Variants in BCKDHB observed in about 807,000 individuals in gnomAD.
BCKDHB encodes the protein 2-oxoisovalerate dehydrogenase subunit beta, mitochondrial.
BCKDHB carries 41 observed loss-of-function variants against 48.5 expected under a neutral mutation model. The ratio of observed to expected loss-of-function variants is 0.85; its 90% CI spans 0.66 to 1.10. The LOEUF is 1.10. Among genes scored for constraint, BCKDHB ranks in the 50% least tolerant of loss-of-function variants. The pLI, the probability that BCKDHB is intolerant of heterozygous loss-of-function variation, is 0.00. For synonymous variants in BCKDHB, 201 were observed against 174.8 expected, an observed-to-expected ratio of 1.15 and a Z score of -1.18; for missense variants, 496 against 494.2, an observed-to-expected ratio of 1.00 and a Z score of -0.03.
intron 1 of BCKDHB, among the ~76,000 whole-genome samples, chr6:80,126,647 C>T (rs904173829): frequency 1.1e-4 from 17 of 152,114 alleles, no homozygotes; most frequent in Non-Finnish European, 2.2e-4. Context: ...GAGATTTAGG[C>T]TGAAGCCGTT....
Position 80,234,025 on chromosome 6 carries a change from C to T in BCKDHB, c.951+30813C>T, listed in dbSNP as rs144378019. On this transcript the variant is annotated intron_variant, in intron 8 of 9. Transcript: ENST00000320393. ...CCAGGCATTAGATTCTCATAAGGAGCGTGCACCCTAGATCCCTCGCATGCA... is the reference window on the plus strand; with the variant it reads ...CCAGGCATTAGATTCTCATAAGGAGTGTGCACCCTAGATCCCTCGCATGCA... Among the ~76,000 whole-genome samples the T allele has an allele frequency of 4.6e-5, 7 of 152,060 alleles. No homozygotes were observed. The East Asian group carries it at 1.4e-3, about 30-fold the overall frequency.
At chr6:80,365,310 G>T in the BCKDHB span, among the ~76,000 whole-genome samples, 1 of 152,106 alleles carries the variant, frequency 6.6e-6, no homozygotes, top group African/African-American at 2.4e-5. Flanking sequence ...AAATTTACCA[G>T]GGCAGAGTTT....
At chr6:80,126,840 A>G (rs1770366380) in intron 1 of BCKDHB, among the ~76,000 whole-genome samples, 1 of 152,180 alleles carries the variant, frequency 6.6e-6, no homozygotes, top group Admixed American at 6.6e-5. Flanking sequence ...AGGTGAAGAT[A>G]GAAGGACATG....
the BCKDHB span, among the ~76,000 whole-genome samples, chr6:80,447,464 T>C: frequency 8.6e-5 from 12 of 139,218 alleles, no homozygotes; most frequent in East Asian, 6.1e-4. Context: ...TATATATATA[T>C]ACATATATAC....
intron 9 of BCKDHB, among the ~76,000 whole-genome samples, chr6:80,323,917 C>T (rs907067729): frequency 2.6e-5 from 4 of 151,880 alleles, no homozygotes; most frequent in Non-Finnish European, 4.4e-5. Context: ...GGACTACAGG[C>T]GCCCGCCACT....
intron 8 of BCKDHB, among the ~76,000 whole-genome samples, chr6:80,211,158 T>C (rs1424334762): frequency 6.6e-6 from 1 of 152,146 alleles, no homozygotes; most frequent in Non-Finnish European, 1.5e-5. Flanking sequence ...TGAAGCACAA[T>C]CATTTACAAG....
rs141838243 is a variant in BCKDHB at position 80,273,267 on chromosome 6, A to T, written c.1038+46A>T. On this transcript the variant is annotated intron_variant, in intron 9 of 9. Transcript: ENST00000320393. ...GATTTCAATGCTTGTGCAATTCCAC[A>T]TGCCAATTCCAGAAGAAAATAAATT... is the stretch of plus-strand genomic sequence containing the variant. 2.1e-5 allele frequency: 31 copies of T among 1,454,630 alleles called. 1 individual carries two copies. In the African/African-American group the frequency reaches 2.9e-4, roughly 14 times the overall value. The allele number at this position is 1,454,630 out of a possible 1,614,324, so 90.1% of individuals were successfully genotyped here.
chr6:80,263,868 A>C (rs1166388242), intron 8 of BCKDHB, among the ~76,000 whole-genome samples: 1 of 152,038 alleles, frequency 6.6e-6, no homozygotes, highest in Non-Finnish European at 1.5e-5. Context: ...GTCAGTTTCT[A>C]CCCTTTAGAA....
chr6:80,294,938 G>T (rs1767144912), intron 9 of BCKDHB, among the ~76,000 whole-genome samples: 1 of 152,008 alleles, frequency 6.6e-6, no homozygotes. Flanking sequence ...TCTTTGTTCT[G>T]CTTTTTGCCT....
At chr6:80,283,942 A>G (rs1011175733) in intron 9 of BCKDHB, among the ~76,000 whole-genome samples, 2 of 152,142 alleles carry the variant, frequency 1.3e-5, no homozygotes, top group Non-Finnish European at 2.9e-5. Context: ...ATGAAGACAC[A>G]TATTCAATTT....
the BCKDHB span, among the ~76,000 whole-genome samples, chr6:80,378,532 C>T: frequency 1.4e-4 from 21 of 152,068 alleles, no homozygotes. Context: ...AAGTGTCCAC[C>T]AACCCTTGGT....
At chr6:80,133,989 G>A (rs938282265) in intron 3 of BCKDHB, among the ~76,000 whole-genome samples, 18 of 152,086 alleles carry the variant, frequency 1.2e-4, no homozygotes, top group African/African-American at 4.3e-4. Flanking sequence ...ATTCCTCATG[G>A]CATATAAAAA....
intron 1 of BCKDHB, among the ~76,000 whole-genome samples, chr6:80,111,170 G>T (rs879583564): frequency 6.6e-6 from 1 of 152,164 alleles, no homozygotes; most frequent in Admixed American, 6.5e-5. Flanking sequence ...AATGGTCGTG[G>T]ACTGGGAGGA....
intron 9 of BCKDHB, among the ~76,000 whole-genome samples, chr6:80,314,848 G>A (rs945912948): frequency 1.3e-5 from 2 of 152,214 alleles, no homozygotes; most frequent in Admixed American, 6.5e-5. Flanking sequence ...ATAGATCGGG[G>A]TCCTGCTTGA....
chr6:80,182,732 A>T (rs1351268901), intron 6 of BCKDHB, among the ~76,000 whole-genome samples: 3 of 152,180 alleles, frequency 2.0e-5, no homozygotes, highest in Non-Finnish European at 2.9e-5. Context: ...AAAATATTGT[A>T]TTATAAACAT....
chr6:80,243,259 A>G (rs760251172), intron 8 of BCKDHB, among the ~76,000 whole-genome samples: 30 of 152,188 alleles, frequency 2.0e-4, no homozygotes, highest in Non-Finnish European at 4.1e-4. Flanking sequence ...TTCATTCTTC[A>G]GCACCAGCAC....
chr6:80,396,975 G>A, the BCKDHB span, among the ~76,000 whole-genome samples: 1 of 152,122 alleles, frequency 6.6e-6, no homozygotes. Context: ...GGGGGCCCAA[G>A]TCTCACAGTT....
At chr6:80,305,547 A>G (rs1767832242) in intron 9 of BCKDHB, among the ~76,000 whole-genome samples, 1 of 152,170 alleles carries the variant, frequency 6.6e-6, no homozygotes, top group Admixed American at 6.5e-5. Flanking sequence ...AACAAAATCA[A>G]GCTCTCTTTT....
At chr6:80,129,386 T>G (rs189542336) in intron 3 of BCKDHB, among the ~76,000 whole-genome samples, 157 bp downstream of exon 3, 1 of 152,288 alleles carries the variant, frequency 6.6e-6, no homozygotes, top group East Asian at 1.9e-4. Context: ...TTGGCCTATA[T>G]TTTCTCAAAT....
Sources: allele counts gnomAD v4.1 joint callset (sites outside exome capture counted in the v4.1 genomes callset), GRCh38; gene constraint gnomAD v4.1.1; transcripts MANE v1.5; gene names NCBI Gene and HGNC (gene_info 2026-07-23, HGNC 2026-07-21).